Variants in OTUD3 observed in about 807,000 individuals in gnomAD.
OTUD3 encodes OTU domain-containing protein 3.
OTUD3 carries 24 observed loss-of-function variants against 46.2 expected under a neutral mutation model. The observed-to-expected ratio is 0.52, with a 90% CI of 0.38 to 0.73. OTUD3 has a LOEUF of 0.73. Ranked by LOEUF, OTUD3 falls within the 30% of genes least tolerant of loss-of-function variation. The pLI is 0.00. For missense variants in OTUD3, 455 were observed against 523.3 expected, an observed-to-expected ratio of 0.87 and a Z score of 1.27; for synonymous variants, 189 against 195.4, an observed-to-expected ratio of 0.97 and a Z score of 0.27.
At chr1:19,891,786 C>A (rs2045450131) in intron 2 of OTUD3, among the ~76,000 whole-genome samples, 1 of 152,214 alleles carries the variant, frequency 6.6e-6, no homozygotes, top group Admixed American at 6.5e-5. Flanking sequence ...AGGCACCAGA[C>A]ACAGAGCAAC....
chr1:19,901,230 G>C (rs4654925), intron 4 of OTUD3, among the ~76,000 whole-genome samples: 68,947 of 151,922 alleles, frequency 0.45, 15,902 homozygotes, highest in Admixed American at 0.48. Context: ...TTTTAAAATT[G>C]GAATCTCATT....
At position 19,882,745 on chromosome 1, in the gene OTUD3, C is replaced by A; in HGVS notation, c.221+11C>A. 7.6e-7 allele frequency: 1 copy of A among 1,316,496 alleles called. No homozygotes were observed. Among genetic ancestry groups the A allele is most frequent in the Non-Finnish European group, 9.7e-7 (1 of 1,034,392 alleles). The allele number at this position is 1,316,496 out of a possible 1,614,324, so 81.6% of individuals were successfully genotyped here. A position where few individuals can be genotyped will look rare whatever the true frequency, so the allele number is the denominator to read the frequency against. The stretch of plus-strand genomic sequence containing the variant: ...GGTGCCGGGGGACGGGTGAGGCGGG[C>A]CGGGAGCGAGGGAGGCGGCGCCGGG... On this transcript the variant is annotated intron_variant, in intron 1 of 7. Coordinates refer to ENST00000375120, the MANE Select transcript of OTUD3 (RefSeq NM_015207.2).
At chr1:19,904,130 C>A in intron 4 of OTUD3, 137 bp from the exon 5 acceptor site, 1 of 534,836 alleles carries the variant, frequency 1.9e-6, no homozygotes. Context: ...CTAGTCATTG[C>A]TGTTCTCTTA....
chr1:19,882,795 AC>A, intron 1 of OTUD3, 61 bp downstream of exon 1: 1 of 1,234,320 alleles, frequency 8.1e-7, no homozygotes, highest in African/African-American at 1.6e-5. Flanking sequence ...CGGCCTGGCG[AC>A]CGTTGCCCGC....
chr1:19,886,833 G>A (rs1471186963), intron 1 of OTUD3, among the ~76,000 whole-genome samples: 1 of 152,182 alleles, frequency 6.6e-6, no homozygotes, highest in Non-Finnish European at 1.5e-5. Flanking sequence ...TCTAACAACT[G>A]CCCAGGGGAT....
chr1:19,911,091 A>C lies in OTUD3; in HGVS notation c.*3345A>C, dbSNP rs1033984297. On this transcript the variant is annotated 3_prime_UTR_variant, in exon 8 of 8. Transcript: ENST00000375120. ...AGGTGACTAAAAGTTACCCTGACCAAAAGGATCTCTGCGGGGGGAAGAGAA... is the reference window on the plus strand; with the variant it reads ...AGGTGACTAAAAGTTACCCTGACCACAAGGATCTCTGCGGGGGGAAGAGAA... 9.8e-5 allele frequency: 15 copies of C among 152,300 alleles called. No homozygotes were observed. Among genetic ancestry groups the C allele is most frequent in the Non-Finnish European group, 2.1e-4 (14 of 68,038 alleles). The allele number at this position is 152,300 out of a possible 1,614,324, so 9.4% of individuals were successfully genotyped here. A position where few individuals can be genotyped will look rare whatever the true frequency, so the allele number is the denominator to read the frequency against.
At chr1:19,889,095 C>T (rs1013069650) in intron 1 of OTUD3, among the ~76,000 whole-genome samples, 2 of 152,164 alleles carry the variant, frequency 1.3e-5, no homozygotes, top group African/African-American at 2.4e-5. Context: ...AAAAGCTTGA[C>T]ATTTAAATTG....
chr1:19,882,846 C>T, intron 1 of OTUD3, 112 bp downstream of exon 1: 2 of 982,226 alleles, frequency 2.0e-6, no homozygotes, highest in Non-Finnish European at 1.3e-6. Context: ...GCCCGGGCGC[C>T]TCCCGCGAGC....
chr1:19,899,352 T>C (rs2045558007), intron 4 of OTUD3, among the ~76,000 whole-genome samples: 2 of 152,194 alleles, frequency 1.3e-5, no homozygotes, highest in Non-Finnish European at 1.5e-5. Flanking sequence ...AGTTGTAGCA[T>C]CCTACACATA....
chr1:19,884,060 T>C (rs560684551), intron 1 of OTUD3, among the ~76,000 whole-genome samples: 1 of 152,324 alleles, frequency 6.6e-6, no homozygotes, highest in African/African-American at 2.4e-5. Context: ...AGTCAGTACG[T>C]TTTTGCTGAA....
At position 19,890,456 on chromosome 1, in the gene OTUD3, A is replaced by G; in HGVS notation, c.293A>G (p.Glu98Gly). 6.2e-7 allele frequency: 1 copy of G among 1,613,924 alleles called. No homozygotes were observed. Among genetic ancestry groups the G allele is most frequent in the Non-Finnish European group, 8.5e-7 (1 of 1,179,786 alleles). Residue 98 changes from glutamate to glycine, a missense_variant, in exon 2 of 8, where the codon GAG becomes GGG. Glu to Gly is a moderately conservative substitution (Grantham distance 98, BLOSUM62 -2). Transcript: ENST00000375120. ...CGAAATCATCTCAAGCACAGACAGG[A>G]GACAGTGGACTACATGATAAAGCAG... is the stretch of plus-strand genomic sequence containing the variant. ...HSRNHLKHRQ[E>G]TVDYMIKQRE...
intron 4 of OTUD3, among the ~76,000 whole-genome samples, chr1:19,899,502 A>G (rs572255717): frequency 7.2e-5 from 11 of 152,314 alleles, no homozygotes; most frequent in African/African-American, 2.4e-4. Flanking sequence ...ATGCATTATA[A>G]TATTTTTGAC....
intron 1 of OTUD3, among the ~76,000 whole-genome samples, chr1:19,888,352 A>G (rs1041334888): frequency 6.6e-6 from 1 of 152,176 alleles, no homozygotes; most frequent in African/African-American, 2.4e-5. Context: ...CTTTGTTCTC[A>G]TGAGTTTCTT....
chr1:19,903,412 A>G (rs910650479), intron 4 of OTUD3, among the ~76,000 whole-genome samples: 2 of 152,122 alleles, frequency 1.3e-5, no homozygotes, highest in African/African-American at 2.4e-5. Flanking sequence ...CTGTGAAACT[A>G]CCGGCTCAAA....
intron 3 of OTUD3, among the ~76,000 whole-genome samples, chr1:19,895,430 T>C (rs2045505743): frequency 6.6e-6 from 1 of 152,224 alleles, no homozygotes; most frequent in Non-Finnish European, 1.5e-5. Context: ...TTGTACTTTG[T>C]AATCACTGGC....
chr1:19,882,818 C>T (rs1371188577), intron 1 of OTUD3, 84 bp downstream of exon 1: 15 of 1,185,900 alleles, frequency 1.3e-5, no homozygotes, highest in Non-Finnish European at 1.2e-5. Flanking sequence ...CGCGTCCATC[C>T]ATCCATTCAT....
chr1:19,910,393 ATTT>A lies in OTUD3; in HGVS notation c.*2654_*2656del, dbSNP rs964873525. On this transcript the variant is annotated 3_prime_UTR_variant, in exon 8 of 8. Coordinates refer to ENST00000375120, the MANE Select transcript of OTUD3 (RefSeq NM_015207.2). ...TAAAGGTTTTACGGATTTTGAAAAT[ATTT>A]TTTTTTAGAGGTCAAAATAAATACC... 4 of 151,210 alleles carry A rather than the reference ATTT, an allele frequency of 2.6e-5. No homozygotes were observed. The highest frequency in any genetic ancestry group is 7.3e-5 in the African/African-American group (3 of 41,130). The allele number at this position is 151,210 out of a possible 1,614,324, so 9.4% of individuals were successfully genotyped here.
chr1:19,903,229 T>A (rs1300199656), intron 4 of OTUD3, among the ~76,000 whole-genome samples: 2 of 151,932 alleles, frequency 1.3e-5, no homozygotes, highest in African/African-American at 4.8e-5. Context: ...TTTGTATTTT[T>A]TTTGTAGAGA....
At chr1:19,890,323 A>C in intron 1 of OTUD3, 62 bp from the exon 2 acceptor site, 18 of 1,494,278 alleles carry the variant, frequency 1.2e-5, no homozygotes, top group Non-Finnish European at 1.7e-5. Context: ...ATGAAGCATC[A>C]TTGTTTTAGA....
Sources: gnomAD v4.1 joint callset for allele counts (sites outside exome capture counted in the v4.1 genomes callset) on GRCh38, gnomAD v4.1.1 for gene constraint, MANE v1.5 for transcripts, NCBI Gene and HGNC (gene_info 2026-07-23, HGNC 2026-07-21) for gene names.